Variants in ELK3 observed in about 807,000 individuals in gnomAD.
ELK3 encodes ETS transcription factor ELK3.
Under a neutral mutation model 28.9 loss-of-function variants are expected in ELK3, and 10 were observed. The observed-to-expected ratio is 0.35, with a 90% confidence interval of 0.21 to 0.59. The LOEUF (loss-of-function observed/expected upper bound fraction) is 0.59, where lower values mean the gene tolerates loss of function less well. Ranked by LOEUF, ELK3 falls within the 20% of genes least tolerant of loss-of-function variation. ELK3 has a pLI of 0.82. For missense variants in ELK3, 463 were observed against 517.3 expected (o/e 0.90, Z 1.02); for synonymous variants, 272 against 243.5 (o/e 1.12, Z -1.09).
Position 96,239,914 on chromosome 12 carries a change from T to G in ELK3, c.208-7026T>G, listed in dbSNP as rs573133232. On this transcript the variant is annotated intron_variant, in intron 2 of 4. Transcript: ENST00000228741. ...ACCTTTCGGGGCCTGACATGTGGCGTCTCGCCTGTAGGCTGCGGCCAGCAT... is the reference window on the plus strand; with the variant it reads ...ACCTTTCGGGGCCTGACATGTGGCGGCTCGCCTGTAGGCTGCGGCCAGCAT... Among the ~76,000 whole-genome samples, 7 of 152,354 alleles carry G rather than the reference T, an allele frequency of 4.6e-5. No homozygotes were observed. In the East Asian group the frequency reaches 1.2e-3, roughly 25 times the overall value.
chr12:96,231,267 T>C (rs904312709), intron 2 of ELK3, among the ~76,000 whole-genome samples: 4 of 152,264 alleles, frequency 2.6e-5, no homozygotes, highest in Non-Finnish European at 5.9e-5. Context: ...TTTTATAACC[T>C]GATGTAACAG....
At chr12:96,218,847 A>G (rs983266392) in intron 1 of ELK3, among the ~76,000 whole-genome samples, 13 of 151,894 alleles carry the variant, frequency 8.6e-5, no homozygotes, top group African/African-American at 3.1e-4. Flanking sequence ...ACAGGGTTTC[A>G]CTGTGTTAGC....
rs1256919691 is a variant in ELK3 at position 96,267,662 on chromosome 12, T to A, written c.*482T>A. 1.3e-5 allele frequency: 2 copies of A among 152,770 alleles called. No individual in the cohort carries two copies. The highest frequency in any genetic ancestry group is 2.9e-5 in the Non-Finnish European group (2 of 68,126). The allele number at this position is 152,770 out of a possible 1,614,324, so 9.5% of individuals were successfully genotyped here. A position where few individuals can be genotyped will look rare whatever the true frequency, so the allele number is the denominator to read the frequency against. Reference sequence around the variant, plus strand: ...AAATTAGTATCAAACAGCTCTCTAGTAGAATTTCATTATTTTTCACCAGTG... The same window carrying A: ...AAATTAGTATCAAACAGCTCTCTAGAAGAATTTCATTATTTTTCACCAGTG... On this transcript the variant is annotated 3_prime_UTR_variant, in exon 5 of 5. Transcript: ENST00000228741.
At chr12:96,231,131 A>G (rs1951738899) in intron 2 of ELK3, among the ~76,000 whole-genome samples, 2 of 152,278 alleles carry the variant, frequency 1.3e-5, no homozygotes, top group South Asian at 2.1e-4. Context: ...CTCTCTGTCA[A>G]ACAGCTTTTT....
intron 1 of ELK3, among the ~76,000 whole-genome samples, chr12:96,199,453 T>C (rs964199154): frequency 2.0e-5 from 3 of 150,900 alleles, no homozygotes; most frequent in Non-Finnish European, 2.9e-5. Context: ...TTGCCACTTA[T>C]AGAGCAGCCC....
intron 2 of ELK3, among the ~76,000 whole-genome samples, chr12:96,240,956 G>A (rs1368218713): frequency 2.0e-5 from 3 of 152,354 alleles, no homozygotes; most frequent in Non-Finnish European, 2.9e-5. Flanking sequence ...TATTTGCCAC[G>A]TAAATGGATG....
intron 2 of ELK3, among the ~76,000 whole-genome samples, chr12:96,225,294 G>C (rs1242739838): frequency 6.6e-6 from 1 of 152,218 alleles, no homozygotes; most frequent in East Asian, 1.9e-4. Flanking sequence ...CTCTGTGTCT[G>C]GGACTTGACT....
intron 4 of ELK3, 54 bp downstream of exon 4, chr12:96,259,907 T>C: frequency 6.5e-7 from 1 of 1,526,936 alleles, no homozygotes; most frequent in Non-Finnish European, 8.8e-7. Flanking sequence ...GATGGTTTTT[T>C]CTCTAAATCC....
At chr12:96,259,910 C>G in intron 4 of ELK3, 57 bp downstream of exon 4, 2 of 1,520,676 alleles carry the variant, frequency 1.3e-6, no homozygotes, top group Non-Finnish European at 1.8e-6. Context: ...GGTTTTTTCT[C>G]TAAATCCTGC....
intron 1 of ELK3, among the ~76,000 whole-genome samples, chr12:96,221,455 C>T (rs548953206): frequency 6.6e-6 from 1 of 152,210 alleles, no homozygotes; most frequent in African/African-American, 2.4e-5. Context: ...AGTCCCTTCC[C>T]TGCAGACCTC....
Position 96,267,254 on chromosome 12 carries a change from C to A in ELK3, c.*74C>A. 7.8e-7 allele frequency: 1 copy of A among 1,279,476 alleles called. No homozygotes were observed. The highest frequency in any genetic ancestry group is 1.4e-5 in the South Asian group (1 of 72,484). The allele number at this position is 1,279,476 out of a possible 1,614,324, so 79.3% of individuals were successfully genotyped here. A position where few individuals can be genotyped will look rare whatever the true frequency, so the allele number is the denominator to read the frequency against. On this transcript the variant is annotated 3_prime_UTR_variant, in exon 5 of 5. Transcript: ENST00000228741. ...TCCCCACGGGCTAGTTTACCTGTGTCGTGAGAAGGACATTGTGAAACTCTT... is the reference window on the plus strand; with the variant it reads ...TCCCCACGGGCTAGTTTACCTGTGTAGTGAGAAGGACATTGTGAAACTCTT...
In ELK3 at chr12:96,269,508, A is replaced by T. The variant is rs1952068623; in HGVS notation, c.*2328A>T. On this transcript the variant is annotated 3_prime_UTR_variant, in exon 5 of 5. Transcript: ENST00000228741. ...TTTGATGGATGAAAATACTCCTGTAACACAAACAGAGAACTGGAGGAACTG... is the reference window on the plus strand; with the variant it reads ...TTTGATGGATGAAAATACTCCTGTATCACAAACAGAGAACTGGAGGAACTG... The T allele has an allele frequency of 6.6e-6, 1 of 152,156 alleles. No individual in the cohort carries two copies. Among genetic ancestry groups the T allele is most frequent in the Non-Finnish European group, 1.5e-5 (1 of 68,030 alleles). 9.4% of individuals were successfully genotyped at this position (152,156 alleles called of 1,614,324 possible).
chr12:96,235,092 C>T (rs2137024307), intron 2 of ELK3, among the ~76,000 whole-genome samples: 1 of 152,150 alleles, frequency 6.6e-6, no homozygotes, highest in South Asian at 2.1e-4. Flanking sequence ...AGTACTGGAG[C>T]GTGGCACTCC....
intron 2 of ELK3, among the ~76,000 whole-genome samples, chr12:96,234,265 C>T (rs1237986788): frequency 2.0e-5 from 3 of 152,160 alleles, no homozygotes; most frequent in South Asian, 2.1e-4. Context: ...GGCCCGGGAG[C>T]GCCGTCAACA....
chr12:96,254,916 T>C (rs1257036536), intron 3 of ELK3, among the ~76,000 whole-genome samples: 1 of 151,952 alleles, frequency 6.6e-6, no homozygotes, highest in Non-Finnish European at 1.5e-5. Flanking sequence ...AGGCAAGGCA[T>C]AGATACGTGA....
chr12:96,214,110 C>T (rs1951594040), intron 1 of ELK3, among the ~76,000 whole-genome samples: 1 of 152,138 alleles, frequency 6.6e-6, no homozygotes, highest in Non-Finnish European at 1.5e-5. Flanking sequence ...CTTTCTCTTT[C>T]CCAAGATGGA....
intron 1 of ELK3, among the ~76,000 whole-genome samples, chr12:96,199,490 G>GTC (rs1951494718): frequency 6.6e-6 from 1 of 151,668 alleles, no homozygotes; most frequent in African/African-American, 2.4e-5. Context: ...CTGTGTGTGT[G>GTC]TGTGTGTGTG....
intron 3 of ELK3, among the ~76,000 whole-genome samples, chr12:96,250,604 C>T (rs1378383762): frequency 3.9e-5 from 6 of 152,178 alleles, no homozygotes; most frequent in Non-Finnish European, 8.8e-5. Flanking sequence ...GAATTCCTTT[C>T]GGCCTCAGGA....
At chr12:96,206,088 T>G (rs1274325951) in intron 1 of ELK3, among the ~76,000 whole-genome samples, 2 of 152,206 alleles carry the variant, frequency 1.3e-5, no homozygotes, top group Non-Finnish European at 2.9e-5. Flanking sequence ...TGCCCTGCTT[T>G]GATTTCAATC....
Sources: gnomAD v4.1 joint callset for allele counts (sites outside exome capture counted in the v4.1 genomes callset) on GRCh38, gnomAD v4.1.1 for gene constraint, MANE v1.5 for transcripts, NCBI Gene and HGNC (gene_info 2026-07-23, HGNC 2026-07-21) for gene names.